Variants in YKT6 observed in about 807,000 individuals in gnomAD.
The protein encoded by YKT6 is YKT6 vesicular SNARE protein, also known as synaptobrevin homolog YKT6.
Under a neutral mutation model 29.3 loss-of-function variants are expected in YKT6, and 12 were observed. That is an observed-to-expected ratio of 0.41 (90% CI 0.26 to 0.66). The LOEUF (loss-of-function observed/expected upper bound fraction) is 0.66, where lower values mean the gene tolerates loss of function less well. Among genes scored for constraint, YKT6 ranks in the 30% least tolerant of loss-of-function variants. YKT6 has a pLI of 0.32. For missense variants in YKT6, 188 were observed against 243.8 expected (o/e 0.77, Z 1.52); for synonymous variants, 86 against 94.3 (o/e 0.91, Z 0.51).
intron 3 of YKT6, among the ~76,000 whole-genome samples, chr7:44,207,066 T>G (rs767141051): frequency 1.3e-5 from 2 of 152,202 alleles, no homozygotes; most frequent in Non-Finnish European, 2.9e-5. Flanking sequence ...TTTGGAAAAT[T>G]AGAGGACCAG....
intron 1 of YKT6, among the ~76,000 whole-genome samples, chr7:44,203,458 A>G (rs1349544647): frequency 6.6e-6 from 1 of 152,154 alleles, no homozygotes; most frequent in Non-Finnish European, 1.5e-5. Flanking sequence ...ACCCGATTCC[A>G]AAGTTGAAAA....
intron 6 of YKT6, 60 bp from the exon 7 acceptor site, chr7:44,212,187 A>T: frequency 6.2e-7 from 1 of 1,609,384 alleles, no homozygotes; most frequent in Non-Finnish European, 8.5e-7. Context: ...GCCTGCCAGG[A>T]TTGGGGCTTC....
chr7:44,202,813 C>G (rs1381715882), intron 1 of YKT6, among the ~76,000 whole-genome samples: 1 of 152,178 alleles, frequency 6.6e-6, no homozygotes, highest in African/African-American at 2.4e-5. Context: ...CTTTTAGCTC[C>G]TTCTTGGGGT....
Position 44,212,948 on chromosome 7 carries a change from G to C in YKT6, c.*666G>C, listed in dbSNP as rs543079316. 7.8e-4 allele frequency: 119 copies of C among 152,380 alleles called. 1 individual carries two copies. Among genetic ancestry groups the C allele is most frequent in the African/African-American group, 2.6e-3 (108 of 41,582 alleles). 9.4% of individuals were successfully genotyped at this position (152,380 alleles called of 1,614,324 possible). ...TAAGCAGCTTCCAAGTCCCACAAAG[G>C]TGGCTTGTGGGAGGATTTGGAAGGA... On this transcript the variant is annotated 3_prime_UTR_variant, in exon 7 of 7. Coordinates refer to ENST00000223369, the MANE Select transcript of YKT6 (RefSeq NM_006555.4).
chr7:44,204,759 T>G, intron 2 of YKT6, 109 bp downstream of exon 2: 1 of 944,500 alleles, frequency 1.1e-6, no homozygotes, highest in Non-Finnish European at 1.6e-6. Context: ...CTCCTCTAGC[T>G]TGTTCTCTCT....
chr7:44,211,155 T>G, intron 6 of YKT6, 31 bp downstream of exon 6: 2 of 1,602,938 alleles, frequency 1.2e-6, no homozygotes, highest in Non-Finnish European at 1.7e-6. Flanking sequence ...GCCTCCTGGG[T>G]GTTCTCTCTA....
chr7:44,210,795 T>G, intron 5 of YKT6: 1 of 599,682 alleles, frequency 1.7e-6, no homozygotes, highest in Non-Finnish European at 3.1e-6. Context: ...TTGGGAAGTC[T>G]GCTACATCCC....
chr7:44,202,227 T>A (rs1478484699), intron 1 of YKT6, among the ~76,000 whole-genome samples: 2 of 151,752 alleles, frequency 1.3e-5, no homozygotes, highest in Non-Finnish European at 2.9e-5. Context: ...AAAAAAAAAA[T>A]GTTATTTTGT....
chr7:44,208,308 C>G, intron 5 of YKT6, 110 bp downstream of exon 5: 1 of 1,227,542 alleles, frequency 8.1e-7, no homozygotes, highest in Non-Finnish European at 1.2e-6. Flanking sequence ...AACCACGGCA[C>G]TCTCCAGCAA....
At position 44,207,199 on chromosome 7, in the gene YKT6, T is replaced by C. The variant is rs185614110; in HGVS notation, c.289-189T>C. 2.4e-3 allele frequency: 1,192 copies of C among 499,366 alleles called. 5 individuals are homozygous for C. The highest frequency in any genetic ancestry group is 3.0e-3 in the Non-Finnish European group (838 of 281,322). 30.9% of individuals were successfully genotyped at this position (499,366 alleles called of 1,614,324 possible). On this transcript the variant is annotated intron_variant, in intron 3 of 6. Coordinates refer to ENST00000223369, the MANE Select transcript of YKT6 (RefSeq NM_006555.4). ...GAATATTTAGGATATGTTTTAATGA[T>C]AAAAATTTGGAAAGAACTTTAGCCT...
In YKT6 at chr7:44,206,918, C is replaced by G. The variant is rs182912902; in HGVS notation, c.288+433C>G. Reference sequence around the variant, plus strand: ...AGCATTCTTTAAATTTTTTTGCGTACGGTGCTAATTACTAATATTAACTCT... The same window carrying G: ...AGCATTCTTTAAATTTTTTTGCGTAGGGTGCTAATTACTAATATTAACTCT... On this transcript the variant is annotated intron_variant, in intron 3 of 6. Coordinates refer to ENST00000223369, the MANE Select transcript of YKT6 (RefSeq NM_006555.4). Among the ~76,000 whole-genome samples the G allele has an allele frequency of 2.4e-3, 366 of 152,252 alleles. 3 individuals carry two copies. Among genetic ancestry groups the G allele is most frequent in the Non-Finnish European group, 4.3e-3 (290 of 68,030 alleles).
At chr7:44,210,686 A>G (rs1374524938) in intron 5 of YKT6, 1 of 327,360 alleles carries the variant, frequency 3.1e-6, no homozygotes, top group African/African-American at 2.4e-5. Context: ...GCGTGCACAC[A>G]CACACACACA....
intron 1 of YKT6, among the ~76,000 whole-genome samples, chr7:44,202,849 G>A (rs1464157373): frequency 6.6e-6 from 1 of 152,120 alleles, no homozygotes; most frequent in Non-Finnish European, 1.5e-5. Flanking sequence ...TCTTTACCAT[G>A]GCCTACATTC....
rs200537015 is a variant in YKT6 at position 44,204,570 on chromosome 7, T to C, written c.107T>C (p.Val36Ala). The C allele has an allele frequency of 8.6e-5, 139 of 1,614,094 alleles. No individual in the cohort carries two copies. Among genetic ancestry groups the C allele is most frequent in the Non-Finnish European group, 1.1e-4 (125 of 1,180,018 alleles). The stretch of plus-strand genomic sequence containing the variant: ...TAAATACATTTTGTGTTTCTTAGCG[T>C]TCAGGAATTCATGACCTTCACGAGT... ...SSFSFFQRSS[V>A]QEFMTFTSQL... is the part of the protein sequence containing the mutation. Residue 36 changes from valine (V) to alanine (A), a missense_variant and splice_region_variant, in exon 2 of 7, where the codon GTT (valine) becomes GCT (alanine). Physicochemically the swap from Val to Ala is moderately conservative, Grantham distance 64. Around this residue, in one of 3 missense-constraint regions of YKT6, gnomAD observed 71 missense variants for 67.3 expected, o/e 1.05. Coordinates refer to ENST00000223369, the MANE Select transcript of YKT6 (RefSeq NM_006555.4).
In YKT6 at chr7:44,202,512, A is replaced by T. The variant is rs368859696; in HGVS notation, c.104+1273A>T. On this transcript the variant is annotated intron_variant, in intron 1 of 6. Transcript: ENST00000223369. ...TGACTTTTCTGGCGACCTTAGATAA[A>T]TGGAATCATATAGTTTTTGTGTGTC... Among the ~76,000 whole-genome samples, 13 of 152,356 alleles carry T rather than the reference A, an allele frequency of 8.5e-5. 1 individual carries two copies. Among genetic ancestry groups the T allele is most frequent in the Admixed American group, 5.9e-4 (9 of 15,306 alleles).
chr7:44,209,226 A>C (rs1328800343), intron 5 of YKT6, among the ~76,000 whole-genome samples: 1 of 152,186 alleles, frequency 6.6e-6, no homozygotes, highest in Non-Finnish European at 1.5e-5. Flanking sequence ...TGTGTACATC[A>C]GCGTCTCCTG....
chr7:44,201,430 G>A (rs1485401567), intron 1 of YKT6, among the ~76,000 whole-genome samples, 191 bp downstream of exon 1: 2 of 148,112 alleles, frequency 1.4e-5, no homozygotes, highest in Non-Finnish European at 3.0e-5. Flanking sequence ...GCGGGGCGGG[G>A]TGGGGAGGGC....
In YKT6 at chr7:44,213,680, C is replaced by T. The variant is rs923207114; in HGVS notation, c.*1398C>T. On this transcript the variant is annotated 3_prime_UTR_variant, in exon 7 of 7. Transcript: ENST00000223369. ...TGGGAGCTCTGCTCTGAGCTTGCCA[C>T]ACTGCTGAGAGCACCCACTGTCCTG... 6.6e-6 allele frequency: 1 copy of T among 152,278 alleles called. No homozygotes were observed. Among genetic ancestry groups the T allele is most frequent in the Admixed American group, 6.5e-5 (1 of 15,278 alleles). 9.4% of individuals were successfully genotyped at this position (152,278 alleles called of 1,614,324 possible). A position where few individuals can be genotyped will look rare whatever the true frequency, so the allele number is the denominator to read the frequency against.
chr7:44,211,668 G>A (rs1198369958), intron 6 of YKT6: 2 of 979,604 alleles, frequency 2.0e-6, no homozygotes, highest in African/African-American at 1.7e-5. Context: ...TAGTCATAGG[G>A]ACAAATTTAC....
Sources: gnomAD v4.1 joint callset for allele counts (sites outside exome capture counted in the v4.1 genomes callset) on GRCh38, gnomAD v4.1.1 for gene constraint, gnomAD v4.1.1 regional missense constraint, MANE v1.5 for transcripts, NCBI Gene and HGNC (gene_info 2026-07-23, HGNC 2026-07-21) for gene names.